Variants in STAU2 observed in about 807,000 individuals in gnomAD.
STAU2 encodes double-stranded RNA-binding protein Staufen homolog 2.
In STAU2, 20 loss-of-function variants were observed where a neutral mutation model predicts 65.9. The observed-to-expected ratio is 0.30, with a 90% CI of 0.21 to 0.44. The LOEUF (loss-of-function observed/expected upper bound fraction) is 0.44, where lower values mean the gene tolerates loss of function less well. Among genes scored for constraint, STAU2 ranks in the 20% least tolerant of loss-of-function variants. The pLI is 1.00. For missense variants in STAU2, 558 were observed against 683.9 expected (o/e 0.82, Z 2.05); for synonymous variants, 232 against 233.9 (o/e 0.99, Z 0.07).
intron 5 of STAU2, among the ~76,000 whole-genome samples, chr8:73,679,978 ATTT>A (rs1160379353): frequency 2.5e-5 from 2 of 81,390 alleles, no homozygotes; most frequent in African/African-American, 4.8e-5. Context: ...TAGGGAAGCC[ATTT>A]TTTTTTTTTT....
intron 3 of STAU2, among the ~76,000 whole-genome samples, chr8:73,727,555 T>C (rs1243494541): frequency 6.6e-6 from 1 of 152,276 alleles, no homozygotes; most frequent in Non-Finnish European, 1.5e-5. Context: ...GTACTTCATT[T>C]CTTTACTGCT....
intron 6 of STAU2, among the ~76,000 whole-genome samples, chr8:73,666,794 G>A (rs1446751152): frequency 6.6e-6 from 1 of 152,140 alleles, no homozygotes; most frequent in Non-Finnish European, 1.5e-5. Flanking sequence ...AGAGCTGATA[G>A]GTCACTCAAA....
At chr8:73,738,416 C>T in intron 2 of STAU2, 67 bp from the exon 3 acceptor site, 1 of 1,063,348 alleles carries the variant, frequency 9.4e-7, no homozygotes, top group Non-Finnish European at 1.4e-6. Flanking sequence ...GTATTTTAAA[C>T]ACATGCCCTT....
At chr8:73,452,119 G>A (rs1365365558) in intron 13 of STAU2, among the ~76,000 whole-genome samples, 2 of 152,242 alleles carry the variant, frequency 1.3e-5, no homozygotes, top group Non-Finnish European at 2.9e-5. Context: ...GACAGCTCCT[G>A]ATGCATCCAG....
intron 5 of STAU2, 57 bp from the exon 6 acceptor site, chr8:73,673,299 T>G: frequency 1.4e-6 from 2 of 1,445,484 alleles, no homozygotes; most frequent in East Asian, 2.4e-5. Context: ...CAATTAAACA[T>G]GCAAGCTATA....
chr8:73,680,844 T>C (rs2130465042), intron 5 of STAU2, among the ~76,000 whole-genome samples: 1 of 151,212 alleles, frequency 6.6e-6, no homozygotes, highest in South Asian at 2.1e-4. Context: ...AACAATAGAA[T>C]CAAACAAGCA....
chr8:73,567,003 A>C (rs1808656647), intron 12 of STAU2, among the ~76,000 whole-genome samples: 1 of 152,230 alleles, frequency 6.6e-6, no homozygotes, highest in Non-Finnish European at 1.5e-5. Context: ...TAATTATGCC[A>C]ACCATTATTA....
intron 13 of STAU2, among the ~76,000 whole-genome samples, chr8:73,542,806 G>C (rs755280053): frequency 6.6e-6 from 1 of 152,036 alleles, no homozygotes; most frequent in African/African-American, 2.4e-5. Context: ...CCATATTAAC[G>C]TGTACAACCC....
intron 13 of STAU2, among the ~76,000 whole-genome samples, chr8:73,504,547 G>A (rs574650978): frequency 1.7e-4 from 26 of 152,080 alleles, no homozygotes; most frequent in Middle Eastern, 3.4e-3. Flanking sequence ...TTTTGGGGAC[G>A]CACCGCTTAG....
intron 6 of STAU2, among the ~76,000 whole-genome samples, chr8:73,628,080 G>GCT (rs545722098): frequency 1.9e-4 from 28 of 147,196 alleles, no homozygotes; most frequent in Non-Finnish European, 1.5e-5. Flanking sequence ...TAAAATGTAA[G>GCT]TTTTTTTTTT....
chr8:73,668,852 G>C, intron 6 of STAU2: 1 of 468,714 alleles, frequency 2.1e-6, no homozygotes, highest in Non-Finnish European at 3.8e-6. Context: ...TTAGGCCTTT[G>C]AATAAGTTCA....
chr8:73,699,350 A>C (rs1819915630), intron 4 of STAU2, among the ~76,000 whole-genome samples: 1 of 152,112 alleles, frequency 6.6e-6, no homozygotes, highest in Non-Finnish European at 1.5e-5. Context: ...TGAATTTGAA[A>C]TGAAAAAATT....
At chr8:73,701,763 G>A (rs1820119731) in intron 4 of STAU2, among the ~76,000 whole-genome samples, 1 of 151,014 alleles carries the variant, frequency 6.6e-6, no homozygotes, top group Non-Finnish European at 1.5e-5. Context: ...TCAGTATGTT[G>A]AAAAGATATC....
intron 13 of STAU2, among the ~76,000 whole-genome samples, chr8:73,493,714 C>G (rs1195198697): frequency 6.6e-6 from 1 of 151,618 alleles, no homozygotes; most frequent in African/African-American, 2.4e-5. Flanking sequence ...CACACACCTA[C>G]CCTATGACCC....
intron 11 of STAU2, among the ~76,000 whole-genome samples, chr8:73,587,093 G>A (rs964504785): frequency 1.3e-5 from 2 of 152,072 alleles, no homozygotes; most frequent in Non-Finnish European, 2.9e-5. Context: ...GGGAAGAGAA[G>A]GGTAAAAGTT....
intron 13 of STAU2, among the ~76,000 whole-genome samples, chr8:73,488,397 T>C (rs1179818978): frequency 1.3e-5 from 2 of 152,044 alleles, no homozygotes; most frequent in Non-Finnish European, 2.9e-5. Context: ...TCCCAGCATT[T>C]ATGTCTTGCT....
At chr8:73,682,803 A>C (rs1286117605) in intron 5 of STAU2, among the ~76,000 whole-genome samples, 1 of 152,164 alleles carries the variant, frequency 6.6e-6, no homozygotes, top group East Asian at 1.9e-4. Context: ...ATACCAGAGA[A>C]ATACAAAATA....
intron 3 of STAU2, among the ~76,000 whole-genome samples, chr8:73,717,797 C>T (rs370223750): frequency 3.3e-5 from 5 of 151,792 alleles, no homozygotes; most frequent in Non-Finnish European, 5.9e-5. Context: ...TATTTTACAG[C>T]TTTTAATTCT....
intron 13 of STAU2, among the ~76,000 whole-genome samples, chr8:73,515,885 T>C (rs903066580): frequency 2.0e-5 from 3 of 147,052 alleles, no homozygotes; most frequent in Non-Finnish European, 4.5e-5. Context: ...AGCATATCAG[T>C]CTTTTAGAGT....
Sources: gnomAD v4.1 joint callset for allele counts (sites outside exome capture counted in the v4.1 genomes callset) on GRCh38, gnomAD v4.1.1 for gene constraint, MANE v1.5 for transcripts, NCBI Gene and HGNC (gene_info 2026-07-23, HGNC 2026-07-21) for gene names.